Variants in EPG5 observed in about 807,000 individuals in gnomAD.
EPG5 encodes the protein ectopic P granules protein 5 homolog.
A neutral mutation model predicts 302.7 loss-of-function variants in EPG5; 159 were observed. The ratio of observed to expected loss-of-function variants is 0.53; its 90% CI spans 0.46 to 0.60. The LOEUF (loss-of-function observed/expected upper bound fraction) is 0.60, where lower values mean the gene tolerates loss of function less well. Ranked by LOEUF, EPG5 falls within the 20% of genes least tolerant of loss-of-function variation. The pLI is 0.00. For missense variants in EPG5, 2,896 were observed against 3,092.4 expected, an observed-to-expected ratio of 0.94 and a Z score of 1.51; for synonymous variants, 1,158 against 1,136.8, an observed-to-expected ratio of 1.02 and a Z score of -0.37.
intron 8 of EPG5, 126 bp from the exon 9 acceptor site, chr18:45,943,437 C>A (rs1599626693): frequency 5.5e-6 from 4 of 728,672 alleles, no homozygotes; most frequent in Non-Finnish European, 9.0e-6. Context: ...AGTCTCATTA[C>A]TCTGGCTCCC....
rs1335598814 is a variant in EPG5 at position 45,851,228 on chromosome 18, T to A, written c.*1239A>T. The A allele has an allele frequency of 6.6e-6, 1 of 152,138 alleles. No homozygotes were observed. The highest frequency in any genetic ancestry group is 1.5e-5 in the Non-Finnish European group (1 of 68,032). The allele number at this position is 152,138 out of a possible 1,614,324, so 9.4% of individuals were successfully genotyped here. A position where few individuals can be genotyped will look rare whatever the true frequency, so the allele number is the denominator to read the frequency against. On this transcript the variant is annotated 3_prime_UTR_variant, in exon 44 of 44. Coordinates refer to ENST00000282041, the MANE Select transcript of EPG5 (RefSeq NM_020964.3). ...ATATTCTCAGGCTACAGACTACCCA[T>A]ACACAAAGACATATTAAGCCAGCTA...
chr18:45,822,805 T>C, the EPG5 span, among the ~76,000 whole-genome samples: 5 of 152,122 alleles, frequency 3.3e-5, no homozygotes, highest in Non-Finnish European at 7.4e-5. Context: ...AAGAAACAAC[T>C]GGAAAATAAA....
intron 7 of EPG5, among the ~76,000 whole-genome samples, chr18:45,944,785 A>G (rs929605193): frequency 6.6e-6 from 1 of 152,230 alleles, no homozygotes; most frequent in East Asian, 1.9e-4. Flanking sequence ...ATGAGAGTTC[A>G]AAGTTATGTT....
chr18:45,936,634 A>G (rs1166988481), intron 10 of EPG5, among the ~76,000 whole-genome samples: 1 of 150,032 alleles, frequency 6.7e-6, no homozygotes, highest in African/African-American at 2.5e-5. Context: ...AGGCTGAGGC[A>G]GGAGAATCAC....
At position 45,944,084 on chromosome 18, in the gene EPG5, A is replaced by T. The variant is rs1364153002; in HGVS notation, c.1713T>A (p.Asn571Lys). The stretch of plus-strand genomic sequence containing the variant: ...CTAAAATGGTAACCAAATCATCTTC[A>T]TTAAGGAGAATCCAACTGGTCTCAG... Reference protein sequence around the residue: ...EDPETSWILLNEDDLVTILAQ... With the variant: ...EDPETSWILLKEDDLVTILAQ... Residue 571 changes from asparagine (N) to lysine (K), a missense_variant, in exon 8 of 44, where the codon AAT (asparagine) becomes AAA (lysine). Physicochemically the swap from Asn to Lys is moderately conservative, Grantham distance 94 (BLOSUM62 0). Coordinates refer to ENST00000282041, the MANE Select transcript of EPG5 (RefSeq NM_020964.3). 2.5e-6 allele frequency: 4 copies of T among 1,613,884 alleles called. No homozygotes were observed. Among genetic ancestry groups the T allele is most frequent in the Admixed American group, 1.7e-5 (1 of 60,018 alleles).
chr18:45,878,498 T>C (rs367845130), intron 33 of EPG5, 50 bp from the exon 34 acceptor site: 2 of 1,165,860 alleles, frequency 1.7e-6, no homozygotes. Flanking sequence ...CATTTGTCAA[T>C]ATCACTGCTC....
intron 42 of EPG5, among the ~76,000 whole-genome samples, chr18:45,857,202 C>G (rs962236458): frequency 6.6e-6 from 1 of 151,822 alleles, no homozygotes; most frequent in Non-Finnish European, 1.5e-5. Context: ...CTCTGTCTCC[C>G]GGGTTCAAGC....
the EPG5 span, chr18:45,825,688 C>G: frequency 6.2e-7 from 1 of 1,607,336 alleles, no homozygotes; most frequent in Admixed American, 1.7e-5. Context: ...GGGGAGGTGG[C>G]CGAGAGCGGG....
rs2048392501 is a variant in EPG5, at chr18:45,849,110, G to T, written c.*3357C>A. The T allele has an allele frequency of 6.6e-6, 1 of 152,120 alleles. No homozygotes were observed. Among genetic ancestry groups the T allele is most frequent in the Non-Finnish European group, 1.5e-5 (1 of 68,052 alleles). The allele number at this position is 152,120 out of a possible 1,614,324, so 9.4% of individuals were successfully genotyped here. On this transcript the variant is annotated 3_prime_UTR_variant, in exon 44 of 44. Transcript: ENST00000282041. The stretch of plus-strand genomic sequence containing the variant: ...AAAAAAAAAAAAAAAAAGACATTGG[G>T]GGATTTAGCTTGGATTTAGCCTAAG...
intron 1 of EPG5, among the ~76,000 whole-genome samples, chr18:45,959,698 G>A (rs371765423): frequency 1.5e-5 from 2 of 136,376 alleles, no homozygotes; most frequent in South Asian, 4.7e-4. Flanking sequence ...AAATAAATAG[G>A]CCTGGGTGCA....
At chr18:45,935,383 A>C (rs2050497973) in intron 10 of EPG5, among the ~76,000 whole-genome samples, 1 of 152,164 alleles carries the variant, frequency 6.6e-6, no homozygotes, top group Non-Finnish European at 1.5e-5. Context: ...TCTTTACTAA[A>C]AATACAAAAT....
chr18:45,921,577 T>C (rs753069312), intron 16 of EPG5, among the ~76,000 whole-genome samples: 43 of 152,136 alleles, frequency 2.8e-4, no homozygotes, highest in East Asian at 1.9e-3. Context: ...TCTGAGAAAA[T>C]TGAACAGATT....
Position 45,938,182 on chromosome 18 carries a change from C to T in EPG5, c.2099+1418G>A, listed in dbSNP as rs138464543. Among the ~76,000 whole-genome samples, 798 of 152,148 alleles carry T rather than the reference C, an allele frequency of 5.2e-3. 6 individuals are homozygous for T. Among genetic ancestry groups the T allele is most frequent in the African/African-American group, 0.018 (743 of 41,502 alleles). On this transcript the variant is annotated intron_variant, in intron 10 of 43. Coordinates refer to ENST00000282041, the MANE Select transcript of EPG5 (RefSeq NM_020964.3). ...AACAGGAGTAATCTAAAGATAAGGC[C>T]GGGTGAAGTGGCTCATGTCTGTAAT...
rs1433621644 is a variant in EPG5 at position 45,852,041 on chromosome 18, C to T, written c.*426G>A. ...TTGACTTCTTTACTTTGGAGGAACA[C>T]AAATGGGGTTTAAAAGTAAGGGTAC... On this transcript the variant is annotated 3_prime_UTR_variant, in exon 44 of 44. Transcript: ENST00000282041. 1 of 154,438 alleles carries T rather than the reference C, an allele frequency of 6.5e-6. No homozygotes were observed. The highest frequency in any genetic ancestry group is 1.4e-5 in the Non-Finnish European group (1 of 69,722). 9.6% of individuals were successfully genotyped at this position (154,438 alleles called of 1,614,324 possible).
chr18:45,913,768 G>A lies in EPG5; in HGVS notation c.3754C>T (p.Arg1252Trp), dbSNP rs78690150. Residue 1252 changes from arginine to tryptophan, a missense_variant, in exon 21 of 44, where the codon CGG (arginine) becomes TGG (tryptophan). This residue lies in a region of EPG5 where 64 missense variants were observed against 101.8 expected (regional missense o/e 0.63). Transcript: ENST00000282041. Reference sequence around the variant, plus strand: ...ACCAATTCCCCTTCAATAACTCTCCGGAGCTGGGAGTCCTCTTCAAAGATG... The same window carrying A: ...ACCAATTCCCCTTCAATAACTCTCCAGAGCTGGGAGTCCTCTTCAAAGATG... ...ESIFEEDSQL[R>W]RVIEGELVIN... 91 of 1,614,078 alleles carry A rather than the reference G, an allele frequency of 5.6e-5. No individual in the cohort carries two copies. In the African/African-American group the frequency reaches 9.2e-4, roughly 16 times the overall value.
the EPG5 span, among the ~76,000 whole-genome samples, chr18:45,808,416 C>T: frequency 2.0e-5 from 3 of 152,128 alleles, no homozygotes; most frequent in African/African-American, 7.2e-5. Context: ...CATACCTATG[C>T]ACGTTGTCAA....
chr18:45,889,142 CTGAG>C (rs1488547243), intron 28 of EPG5, among the ~76,000 whole-genome samples: 1 of 152,180 alleles, frequency 6.6e-6, no homozygotes, highest in Non-Finnish European at 1.5e-5. Context: ...TCCTACTCTA[CTGAG>C]GGGATCAGCT....
intron 9 of EPG5, among the ~76,000 whole-genome samples, chr18:45,940,932 A>T (rs1185537810): frequency 1.3e-5 from 2 of 152,200 alleles, no homozygotes; most frequent in African/African-American, 4.8e-5. Flanking sequence ...TGAGAACACT[A>T]CGTTACAATG....
chr18:45,901,529 C>T (rs1599530566), intron 25 of EPG5, among the ~76,000 whole-genome samples: 1 of 151,898 alleles, frequency 6.6e-6, no homozygotes, highest in African/African-American at 2.4e-5. Flanking sequence ...ATGCCATCAT[C>T]CAGAATTCAG....
Sources: gnomAD v4.1 joint callset for allele counts (sites outside exome capture counted in the v4.1 genomes callset) on GRCh38, gnomAD v4.1.1 for gene constraint, gnomAD v4.1.1 regional missense constraint, MANE v1.5 for transcripts, NCBI Gene and HGNC (gene_info 2026-07-23, HGNC 2026-07-21) for gene names.